The following PARD3 variants were observed in gnomAD, a reference collection of about 807,000 sequenced individuals.
PARD3 encodes the protein partitioning defective 3 homolog.
PARD3 carries 75 observed loss-of-function variants against 155.4 expected under a neutral mutation model. The observed-to-expected ratio is 0.48, with a 90% CI of 0.40 to 0.58. The LOEUF (loss-of-function observed/expected upper bound fraction) is 0.58. Ranked by LOEUF, PARD3 falls within the 20% of genes least tolerant of loss-of-function variation. PARD3 has a pLI of 0.00. For missense variants in PARD3, 1,642 were observed against 1,721.7 expected (o/e 0.95, Z 0.82); for synonymous variants, 576 against 610.5 (o/e 0.94, Z 0.83).
intron 22 of PARD3, among the ~76,000 whole-genome samples, chr10:34,255,623 G>A (rs1382876313): frequency 6.6e-6 from 1 of 152,210 alleles, no homozygotes; most frequent in Non-Finnish European, 1.5e-5. Context: ...TTTATCTGGA[G>A]GGAACTGTTT....
chr10:34,425,749 G>A (rs2075567182), intron 5 of PARD3, among the ~76,000 whole-genome samples: 1 of 152,128 alleles, frequency 6.6e-6, no homozygotes, highest in Non-Finnish European at 1.5e-5. Context: ...CCTAAACTCT[G>A]ACTTTTTGCC....
chr10:34,681,763 TATATA>T (rs1428443146), intron 2 of PARD3, among the ~76,000 whole-genome samples: 15 of 22,078 alleles, frequency 6.8e-4, no homozygotes, highest in South Asian at 1.8e-3. Context: ...TATATATATA[TATATA>T]TTTTTTTTTT....
At chr10:34,797,075 G>A (rs1842343543) in intron 1 of PARD3, among the ~76,000 whole-genome samples, 1 of 152,220 alleles carries the variant, frequency 6.6e-6, no homozygotes, top group Non-Finnish European at 1.5e-5. Context: ...ACAACCAGGA[G>A]CTTATATTTG....
intron 23 of PARD3, among the ~76,000 whole-genome samples, chr10:34,120,183 A>ATTTTTTT (rs57670906): frequency 6.2e-5 from 7 of 113,668 alleles, no homozygotes; most frequent in African/African-American, 2.3e-4. Flanking sequence ...TGCCTGGCTA[A>ATTTTTTT]TTTTTTTTTT....
chr10:34,227,854 T>TATATATATATATATATA lies in PARD3; in HGVS notation c.3419+41802_3419+41803insTATATATATATATATAT, dbSNP rs1952683542. Among the ~76,000 whole-genome samples, 68 of 26,490 alleles carry TATATATATATATATATA rather than the reference T, an allele frequency of 2.6e-3. 6 individuals carry two copies. Among genetic ancestry groups the TATATATATATATATATA allele is most frequent in the African/African-American group, 5.1e-3 (68 of 13,296 alleles). The allele number at this position is 26,490 out of a possible 152,430, so 17.4% of individuals were successfully genotyped here. A position where few individuals can be genotyped will look rare whatever the true frequency, so the allele number is the denominator to read the frequency against. Reference sequence around the variant, plus strand: ...TATATTCCCAGTAATGGGAATTATTTTTTATATATATATATATATATATAT... The same window carrying TATATATATATATATATA: ...TATATTCCCAGTAATGGGAATTATTTATATATATATATATATATTTATATATATATATATATATATAT... On this transcript the variant is annotated intron_variant, in intron 22 of 24. Transcript: ENST00000374788.
intron 22 of PARD3, among the ~76,000 whole-genome samples, chr10:34,170,354 G>A (rs1157233815): frequency 6.6e-6 from 1 of 152,160 alleles, no homozygotes; most frequent in Admixed American, 6.5e-5. Flanking sequence ...TCAAAGTATT[G>A]GTATTACAGG....
chr10:34,648,280 T>C (rs567633575), intron 2 of PARD3, among the ~76,000 whole-genome samples: 2 of 152,280 alleles, frequency 1.3e-5, no homozygotes, highest in East Asian at 3.9e-4. Context: ...CTCCAAAAAC[T>C]TTCATGAATG....
intron 3 of PARD3, among the ~76,000 whole-genome samples, chr10:34,484,997 C>G (rs1358003325): frequency 6.6e-6 from 1 of 152,162 alleles, no homozygotes; most frequent in East Asian, 1.9e-4. Flanking sequence ...ACTGTCATAT[C>G]CACAGAGGCC....
chr10:34,643,530 T>A (rs1296286887), intron 2 of PARD3, among the ~76,000 whole-genome samples: 4 of 152,284 alleles, frequency 2.6e-5, no homozygotes, highest in Non-Finnish European at 4.4e-5. Flanking sequence ...TCTGTAATTG[T>A]TAGTGCTTTG....
chr10:34,619,691 A>G (rs906488403), intron 2 of PARD3, among the ~76,000 whole-genome samples: 1 of 152,184 alleles, frequency 6.6e-6, no homozygotes, highest in Non-Finnish European at 1.5e-5. Flanking sequence ...TATTTAATGG[A>G]GTCTCAGAAT....
intron 22 of PARD3, among the ~76,000 whole-genome samples, chr10:34,151,811 G>A (rs561922360): frequency 6.6e-6 from 1 of 152,182 alleles, no homozygotes; most frequent in Admixed American, 6.5e-5. Context: ...GGCAACAATG[G>A]ATCACACAGG....
At chr10:34,381,854 G>T (rs571525658) in intron 9 of PARD3, among the ~76,000 whole-genome samples, 1 of 144,028 alleles carries the variant, frequency 6.9e-6, no homozygotes, top group East Asian at 2.0e-4. Flanking sequence ...TGCGGGCTAC[G>T]GTGAGCTATG....
chr10:34,462,703 G>A (rs957429206), intron 4 of PARD3, among the ~76,000 whole-genome samples: 1 of 151,724 alleles, frequency 6.6e-6, no homozygotes, highest in Non-Finnish European at 1.5e-5. Flanking sequence ...GCTGGGTGGG[G>A]TGGCCCATGC....
chr10:34,268,785 G>A (rs1385080251), intron 22 of PARD3, among the ~76,000 whole-genome samples: 1 of 152,140 alleles, frequency 6.6e-6, no homozygotes, highest in Non-Finnish European at 1.5e-5. Context: ...TCATGGGATG[G>A]GGGGAGGGGT....
rs1175946383 is a variant in PARD3 at position 34,341,610 on chromosome 10, C to A, written c.2408+17G>T. The A allele has an allele frequency of 1.2e-6, 2 of 1,600,656 alleles. No homozygotes were observed. The highest frequency in any genetic ancestry group is 1.1e-5 in the South Asian group (1 of 89,080). On this transcript the variant is annotated intron_variant, in intron 16 of 24. Coordinates refer to ENST00000374788, the MANE Select transcript of PARD3 (RefSeq NM_001184785.2). The stretch of plus-strand genomic sequence containing the variant: ...TGTAATTAATTCATGTTTTCCAACC[C>A]TGGACGATGAGCTTACCAGTCGGCT...
At chr10:34,636,578 C>T (rs910870392) in intron 2 of PARD3, among the ~76,000 whole-genome samples, 1 of 152,242 alleles carries the variant, frequency 6.6e-6, no homozygotes, top group African/African-American at 2.4e-5. Flanking sequence ...CCTAAGTCAC[C>T]TCACGAAGAG....
At chr10:34,237,972 G>T (rs539192779) in intron 22 of PARD3, among the ~76,000 whole-genome samples, 1 of 152,120 alleles carries the variant, frequency 6.6e-6, no homozygotes, top group African/African-American at 2.4e-5. Flanking sequence ...GCATCAAAAT[G>T]GAGCAAAAAG....
At chr10:34,251,868 T>G (rs1001880209) in intron 22 of PARD3, among the ~76,000 whole-genome samples, 2 of 152,174 alleles carry the variant, frequency 1.3e-5, no homozygotes, top group African/African-American at 4.8e-5. Context: ...TTTGCTGTGC[T>G]GATGAGGAGT....
intron 1 of PARD3, among the ~76,000 whole-genome samples, chr10:34,777,122 A>G (rs1459613948): frequency 1.3e-5 from 2 of 150,116 alleles, no homozygotes; most frequent in African/African-American, 4.9e-5. Context: ...AAGTGCTGGG[A>G]CTACAGGCGT....
Sources: gnomAD v4.1 joint callset for allele counts (sites outside exome capture counted in the v4.1 genomes callset) on GRCh38, gnomAD v4.1.1 for gene constraint, MANE v1.5 for transcripts, NCBI Gene and HGNC (gene_info 2026-07-23, HGNC 2026-07-21) for gene names.